The following SRRM2 variants were observed in gnomAD, a reference collection of about 807,000 sequenced individuals.
The protein encoded by SRRM2 is serine/arginine repetitive matrix protein 2.
In SRRM2, 30 loss-of-function variants were observed where a neutral mutation model predicts 213.8. That is an observed-to-expected ratio of 0.14 (90% CI 0.10 to 0.19). The LOEUF (loss-of-function observed/expected upper bound fraction) is 0.19. Among genes scored for constraint, SRRM2 ranks in the 10% least tolerant of loss-of-function variants. SRRM2 has a pLI of 1.00. For missense variants in SRRM2, 4,904 were observed against 3,647.0 expected (o/e 1.34, Z -8.88); for synonymous variants, 2,025 against 1,377.7 (o/e 1.47, Z -10.40).
intron 1 of SRRM2, chr16:2,753,637 A>C (rs1015854646): frequency 1.3e-5 from 2 of 152,150 alleles, no homozygotes; most frequent in Non-Finnish European, 2.9e-5. Flanking sequence ...CTCATATATA[A>C]GTTTTCTGGT....
rs1288308691 is a variant in SRRM2 at position 2,763,116 on chromosome 16, A to G, written c.2588A>G (p.Gln863Arg). Residue 863 changes from glutamine (Q) to arginine (R), a missense_variant, in exon 11 of 15, where the codon CAA (glutamine) becomes CGA (arginine). Gln to Arg is a conservative substitution (Grantham distance 43, BLOSUM62 1). Coordinates refer to ENST00000301740, the MANE Select transcript of SRRM2 (RefSeq NM_016333.4). ...GSITSPQANE[Q>R]SVTPQRRSCF... ...ATAACAAGTCCCCAGGCCAATGAGC[A>G]ATCTGTAACGCCACAGAGACGGAGC... 6.2e-7 allele frequency: 1 copy of G among 1,614,132 alleles called. No homozygotes were observed. The highest frequency in any genetic ancestry group is 2.2e-5 in the East Asian group (1 of 44,886).
Position 2,759,550 on chromosome 16 carries a change from G to A in SRRM2, c.741-19G>A. On this transcript the variant is annotated intron_variant, in intron 8 of 14. Transcript: ENST00000301740. The stretch of plus-strand genomic sequence containing the variant: ...CAGGTACAGCAGTACCCTGAGCTGT[G>A]GTGGTGGTCTTCCTTCAGGTCTCGA... The A allele has an allele frequency of 6.2e-7, 1 of 1,613,180 alleles. No individual in the cohort carries two copies. Among genetic ancestry groups the A allele is most frequent in the Non-Finnish European group, 8.5e-7 (1 of 1,179,202 alleles).
At position 2,767,268 on chromosome 16, in the gene SRRM2, C is replaced by T; in HGVS notation, c.6740C>T (p.Thr2247Ile). The change falls in exon 11 of 15, where the codon ACA becomes ATA. Residue 2247 changes from threonine to isoleucine, a missense_variant. By Grantham distance (89) the Thr-to-Ile change is moderately conservative (BLOSUM62 -1). Coordinates refer to ENST00000301740, the MANE Select transcript of SRRM2 (RefSeq NM_016333.4). The part of the protein sequence containing the change: ...AAAMNLASAR[T>I]PAIPTAVNLA... ...GCCATGAACCTAGCCAGCGCCAGGA[C>T]ACCTGCCATTCCAACAGCAGTGAAC... is the stretch of plus-strand genomic sequence containing the variant. 2 of 1,614,120 alleles carry T rather than the reference C, an allele frequency of 1.2e-6. No homozygotes were observed. The highest frequency in any genetic ancestry group is 1.7e-6 in the Non-Finnish European group (2 of 1,180,054).
In SRRM2 at chr16:2,765,475, T is replaced by C. The variant is rs759389664; in HGVS notation, c.4947T>C (p.Pro1649=). The part of the protein sequence containing the change: ...GSSSKGRGPS[P]EGSSSTESSP... ...CAAGCAAAGGCAGAGGCCCTTCTCC[T>C]GAAGGAAGCAGCAGTACCGAGTCCT... The change falls in exon 11 of 15, where the codon CCT becomes CCC. Residue 1649 remains proline (P), a synonymous_variant. Coordinates refer to ENST00000301740, the MANE Select transcript of SRRM2 (RefSeq NM_016333.4). The C allele has an allele frequency of 1.4e-5, 23 of 1,614,018 alleles. No individual in the cohort carries two copies. The highest frequency in any genetic ancestry group is 1.9e-5 in the Non-Finnish European group (22 of 1,180,030).
intron 1 of SRRM2, among the ~76,000 whole-genome samples, chr16:2,754,354 G>GCGATCTCGCA (rs533960023): frequency 6.6e-6 from 1 of 151,436 alleles, no homozygotes; most frequent in Non-Finnish European, 1.5e-5. Flanking sequence ...GTGCAGTGGC[G>GCGATCTCGCA]CGATCTCGGC....
In SRRM2 at chr16:2,760,623, TTC is replaced by T. The variant is rs1019069980; in HGVS notation, c.1032+129_1032+130del. The T allele has an allele frequency of 2.9e-6, 3 of 1,030,060 alleles. No homozygotes were observed. In the African/African-American group the frequency reaches 4.7e-5, roughly 16 times the overall value. The allele number at this position is 1,030,060 out of a possible 1,614,324, so 63.8% of individuals were successfully genotyped here. On this transcript the variant is annotated intron_variant, in intron 10 of 14. Coordinates refer to ENST00000301740, the MANE Select transcript of SRRM2 (RefSeq NM_016333.4). ...ATAAATTCAGTTTTTTTTCCTGCAT[TTC>T]TCTCCTAGTTCTCTTACTGCATCTG...
chr16:2,770,477 TGCA>T lies in SRRM2; in HGVS notation c.8135+14_8135+16del, dbSNP rs891277311. 1 of 1,599,230 alleles carries T rather than the reference TGCA, an allele frequency of 6.3e-7. No individual in the cohort carries two copies. Among genetic ancestry groups the T allele is most frequent in the Non-Finnish European group, 8.5e-7 (1 of 1,173,344 alleles). On this transcript the variant is annotated intron_variant, in intron 13 of 14. Transcript: ENST00000301740. ...CGGGACCAGCAGAGGTAAGGCCAACTGCAGGTGTCAGCACCCAGCCTGTCTGGC... is the reference window on the plus strand; with the variant it reads ...CGGGACCAGCAGAGGTAAGGCCAACTGGTGTCAGCACCCAGCCTGTCTGGC...
Position 2,766,208 on chromosome 16 carries a change from C to G in SRRM2, c.5680C>G (p.Pro1894Ala). ...SRRRSRSRTS[P>A]VSRRRSRSRT... ...ACGTAGGTCCAGATCTCGAACTTCA[C>G]CAGTCAGCCGGAGACGGTCAAGGTC... Residue 1894 changes from proline to alanine, a missense_variant, in exon 11 of 15, where the codon CCA (proline) becomes GCA (alanine). Physicochemically the swap from Pro to Ala is conservative, Grantham distance 27. Coordinates refer to ENST00000301740, the MANE Select transcript of SRRM2 (RefSeq NM_016333.4). This position sits in a 1 kb window ranked among gnomAD's most constrained non-coding sequence, Gnocchi z 7.0. 6.2e-7 allele frequency: 1 copy of G among 1,614,170 alleles called. No homozygotes were observed. Among genetic ancestry groups the G allele is most frequent in the Non-Finnish European group, 8.5e-7 (1 of 1,180,046 alleles).
In SRRM2 at chr16:2,771,255, A is replaced by AAGGGGC. The variant is rs1395427180; in HGVS notation, c.*392_*397dup. 1.4e-6 allele frequency: 1 copy of AAGGGGC among 735,798 alleles called. No individual in the cohort carries two copies. Among genetic ancestry groups the AAGGGGC allele is most frequent in the Admixed American group, 2.2e-5 (1 of 45,704 alleles). The allele number at this position is 735,798 out of a possible 1,614,324, so 45.6% of individuals were successfully genotyped here. A position where few individuals can be genotyped will look rare whatever the true frequency, so the allele number is the denominator to read the frequency against. On this transcript the variant is annotated 3_prime_UTR_variant, in exon 15 of 15. Transcript: ENST00000301740. ...GGTTGTATAAGGTGTTCTTGGAAGG[A>AAGGGGC]AGGGGCAGGAGTTGGAATTAGTTGG...
intron 8 of SRRM2, 73 bp downstream of exon 8, chr16:2,759,475 T>TA: frequency 6.3e-7 from 1 of 1,598,980 alleles, no homozygotes; most frequent in Non-Finnish European, 8.6e-7. Flanking sequence ...TTGAATGAGT[T>TA]ATGTCCCTGA....
chr16:2,766,633 A>G lies in SRRM2; in HGVS notation c.6105A>G (p.Pro2035=). The change falls in exon 11 of 15, where the codon CCA becomes CCG. Residue 2035 remains proline (P), a synonymous_variant. Coordinates refer to ENST00000301740, the MANE Select transcript of SRRM2 (RefSeq NM_016333.4). The surrounding 1 kb of genome is among the most constrained non-coding windows in gnomAD (Gnocchi z 7.0). ...GGCGCCGCTCTAGATCTCGAACGCCACTGTTACCACGCAAACGTTCTCGAA... is the reference window on the plus strand; with the variant it reads ...GGCGCCGCTCTAGATCTCGAACGCCGCTGTTACCACGCAAACGTTCTCGAA... ...AIRRRSRSRT[P]LLPRKRSRSR... The G allele has an allele frequency of 6.2e-7, 1 of 1,613,132 alleles. No individual in the cohort carries two copies. Among genetic ancestry groups the G allele is most frequent in the African/African-American group, 1.3e-5 (1 of 74,676 alleles).
chr16:2,761,759 A>G lies in SRRM2; in HGVS notation c.1231A>G (p.Lys411Glu). Reference sequence around the variant, plus strand: ...CCGTTCACCACCTAAGTCTCCCGAGAAACTTCCCCAGTCTTCTTCCTCAGA... The same window carrying G: ...CCGTTCACCACCTAAGTCTCCCGAGGAACTTCCCCAGTCTTCTTCCTCAGA... ...RDRSPPKSPE[K>E]LPQSSSSESS... is the part of the protein sequence containing the mutation. The change falls in exon 11 of 15, where the codon AAA becomes GAA. Residue 411 changes from lysine to glutamate, a missense_variant. By Grantham distance (56) the Lys-to-Glu change is moderately conservative (BLOSUM62 1). Coordinates refer to ENST00000301740, the MANE Select transcript of SRRM2 (RefSeq NM_016333.4). 2 of 1,613,144 alleles carry G rather than the reference A, an allele frequency of 1.2e-6. No individual in the cohort carries two copies. The highest frequency in any genetic ancestry group is 1.7e-6 in the Non-Finnish European group (2 of 1,179,582).
rs5815132 is a variant in SRRM2, at chr16:2,753,036, A to ACCCCC, written c.-32+195_-32+199dup. ...GCCGTTCCTGTCGCGCGCGGGCTTCACCCCCCCCCGCCCCTCCCCCATGAC... is the reference window on the plus strand; with the variant it reads ...GCCGTTCCTGTCGCGCGCGGGCTTCACCCCCCCCCCCCCCGCCCCTCCCCCATGAC... On this transcript the variant is annotated intron_variant, in intron 1 of 14. Transcript: ENST00000301740. Among the ~76,000 whole-genome samples the ACCCCC allele has an allele frequency of 2.3e-4, 32 of 138,464 alleles. 1 individual carries two copies. Among genetic ancestry groups the ACCCCC allele is most frequent in the South Asian group, 4.6e-4 (2 of 4,326 alleles). 90.8% of individuals were successfully genotyped at this position (138,464 alleles called of 152,430 possible). A position where few individuals can be genotyped will look rare whatever the true frequency, so the allele number is the denominator to read the frequency against.
At chr16:2,759,307 C>A (rs762505544) in intron 7 of SRRM2, 45 bp from the exon 8 acceptor site, 2 of 1,610,092 alleles carry the variant, frequency 1.2e-6, no homozygotes, top group Non-Finnish European at 1.7e-6. Context: ...GTTTTATTTC[C>A]TTTTTTAAAG....
At chr16:2,768,326 G>A in intron 11 of SRRM2, 65 bp downstream of exon 11, 1 of 1,490,312 alleles carries the variant, frequency 6.7e-7, no homozygotes, top group Non-Finnish European at 8.9e-7. Context: ...TGGGGAGTGG[G>A]GAGGGAGAAA....
chr16:2,759,699 T>C (rs1421124982), intron 9 of SRRM2, 38 bp downstream of exon 9: 2 of 1,568,146 alleles, frequency 1.3e-6, no homozygotes, highest in Non-Finnish European at 1.8e-6. Context: ...GGAGAGGGAA[T>C]GATGGGTTAA....
At chr16:2,770,505 C>T in intron 13 of SRRM2, 40 bp downstream of exon 13, 3 of 1,576,822 alleles carry the variant, frequency 1.9e-6, no homozygotes, top group Non-Finnish European at 2.6e-6. Context: ...GCCTGTCTGG[C>T]CGCCACTGCT....
chr16:2,753,783 T>A (rs3112680), intron 1 of SRRM2: 111,615 of 151,998 alleles, frequency 0.73, 41,585 homozygotes, highest in Admixed American at 0.82. Flanking sequence ...AGGGCTCTTC[T>A]AAAGCTACTA....
In SRRM2 at chr16:2,763,046, C is replaced by G; in HGVS notation, c.2518C>G (p.Pro840Ala). 1 of 1,614,138 alleles carries G rather than the reference C, an allele frequency of 6.2e-7. No individual in the cohort carries two copies. The highest frequency in any genetic ancestry group is 8.5e-7 in the Non-Finnish European group (1 of 1,180,020). ...PSRQSHSSSSPHPKVKSGTPP... is the reference protein window; with the variant it reads ...PSRQSHSSSSAHPKVKSGTPP... Reference sequence around the variant, plus strand: ...AAGACAAAGTCATTCCAGTTCATCTCCTCATCCTAAAGTGAAATCTGGAAC... The same window carrying G: ...AAGACAAAGTCATTCCAGTTCATCTGCTCATCCTAAAGTGAAATCTGGAAC... Residue 840 changes from proline to alanine, a missense_variant, in exon 11 of 15, where the codon CCT becomes GCT. Coordinates refer to ENST00000301740, the MANE Select transcript of SRRM2 (RefSeq NM_016333.4).
Sources: gnomAD v4.1 joint callset for allele counts (sites outside exome capture counted in the v4.1 genomes callset) on GRCh38, gnomAD v4.1.1 for gene constraint, Gnocchi (gnomAD v3.1) non-coding constraint, MANE v1.5 for transcripts, NCBI Gene and HGNC (gene_info 2026-07-23, HGNC 2026-07-21) for gene names.